The following NKAIN3 variants were observed in gnomAD, a reference collection of about 807,000 sequenced individuals.
NKAIN3 encodes sodium/potassium transporting ATPase interacting 3, also known as sodium/potassium-transporting ATPase subunit beta-1-interacting protein 3.
A neutral mutation model predicts 30.2 loss-of-function variants in NKAIN3; 25 were observed. The ratio of observed to expected loss-of-function variants is 0.83; its 90% CI spans 0.60 to 1.16. The LOEUF is 1.16. Ranked by LOEUF, NKAIN3 falls within the 50% of genes most tolerant of loss-of-function variation. The probability of loss-of-function intolerance (pLI) is 0.00; values close to 1 mark genes in which losing one functional copy is unlikely to be tolerated. For synonymous variants in NKAIN3, 91 were observed against 89.6 expected (o/e 1.02, Z -0.09); for missense variants, 225 against 254.1 (o/e 0.89, Z 0.78).
At chr8:62,573,533 C>A (rs1334376534) in intron 1 of NKAIN3, among the ~76,000 whole-genome samples, 1 of 151,932 alleles carries the variant, frequency 6.6e-6, no homozygotes, top group Non-Finnish European at 1.5e-5. Flanking sequence ...TTCTTTCCTG[C>A]CTTCTTTTCT....
chr8:62,643,840 T>A (rs1028545277), intron 3 of NKAIN3, among the ~76,000 whole-genome samples: 2 of 152,122 alleles, frequency 1.3e-5, no homozygotes, highest in African/African-American at 4.8e-5. Context: ...ATATAAGTTG[T>A]TGGATCTCTT....
Position 62,710,938 on chromosome 8 carries a change from G to A in NKAIN3, c.274-35994G>A, listed in dbSNP as rs533681616. ...TTCTTGTAGTGGTGGCTTGGTAATG[G>A]TAAATTCTTTCAGCATTTGTTTGTT... is the stretch of plus-strand genomic sequence containing the variant. On this transcript the variant is annotated intron_variant, in intron 3 of 6. Coordinates refer to ENST00000623646, the MANE Select transcript of NKAIN3 (RefSeq NM_001304533.3). Among the ~76,000 whole-genome samples, 6 of 152,208 alleles carry A rather than the reference G, an allele frequency of 3.9e-5. No homozygotes were observed. In the South Asian group the frequency reaches 1.2e-3, roughly 32 times the overall value.
chr8:62,693,224 T>C (rs1814039116), intron 3 of NKAIN3, among the ~76,000 whole-genome samples: 1 of 152,218 alleles, frequency 6.6e-6, no homozygotes, highest in African/African-American at 2.4e-5. Flanking sequence ...GAAGATGGTT[T>C]TACTGATGTC....
chr8:62,945,187 T>G (rs1207786285), intron 5 of NKAIN3, among the ~76,000 whole-genome samples: 1 of 152,084 alleles, frequency 6.6e-6, no homozygotes, highest in Non-Finnish European at 1.5e-5. Context: ...CAATATAGCA[T>G]AGTAAATAGT....
At chr8:62,394,735 C>T (rs949713151) in intron 1 of NKAIN3, among the ~76,000 whole-genome samples, 15 of 151,922 alleles carry the variant, frequency 9.9e-5, no homozygotes, top group African/African-American at 3.4e-4. Context: ...CATCACTTCC[C>T]AGACGGGGTG....
At chr8:62,569,263 T>C (rs972568664) in intron 1 of NKAIN3, among the ~76,000 whole-genome samples, 1 of 152,160 alleles carries the variant, frequency 6.6e-6, no homozygotes, top group African/African-American at 2.4e-5. Flanking sequence ...ATGATACAAA[T>C]GCTATTGAGC....
chr8:62,382,406 A>C (rs1407768229), intron 1 of NKAIN3, among the ~76,000 whole-genome samples: 1 of 152,130 alleles, frequency 6.6e-6, no homozygotes, highest in Non-Finnish European at 1.5e-5. Context: ...GCAGAGGTGG[A>C]AGAGGTAGAG....
intron 1 of NKAIN3, among the ~76,000 whole-genome samples, chr8:62,450,514 C>T (rs1204104944): frequency 6.6e-6 from 1 of 152,118 alleles, no homozygotes; most frequent in Non-Finnish European, 1.5e-5. Context: ...ATGTGCCAGG[C>T]ACTGCTTTAT....
intron 4 of NKAIN3, among the ~76,000 whole-genome samples, chr8:62,807,343 GCTTAT>G (rs1321727426): frequency 6.6e-6 from 1 of 151,842 alleles, no homozygotes; most frequent in Non-Finnish European, 1.5e-5. Context: ...CTCCTCATGT[GCTTAT>G]CTTATTAATG....
chr8:62,352,959 G>A (rs1816228595), intron 1 of NKAIN3, among the ~76,000 whole-genome samples: 1 of 152,180 alleles, frequency 6.6e-6, no homozygotes, highest in African/African-American at 2.4e-5. Context: ...TCAGGGGTCT[G>A]TACTAATAGG....
intron 4 of NKAIN3, chr8:62,854,956 T>C (rs1285983506): frequency 6.5e-6 from 1 of 153,060 alleles, no homozygotes; most frequent in African/African-American, 2.4e-5. Flanking sequence ...AGCATTTGCC[T>C]GTCTGAAAAG....
chr8:62,601,783 G>A (rs537119773), intron 3 of NKAIN3, among the ~76,000 whole-genome samples: 187 of 152,114 alleles, frequency 1.2e-3, no homozygotes, highest in Non-Finnish European at 1.9e-3. Context: ...CCAAAGAGAC[G>A]CAATTATATT....
intron 1 of NKAIN3, among the ~76,000 whole-genome samples, chr8:62,516,450 G>A (rs188953536): frequency 6.6e-6 from 1 of 151,976 alleles, no homozygotes; most frequent in Non-Finnish European, 1.5e-5. Context: ...TTCATATATG[G>A]TAAAGCAAAA....
At chr8:62,664,752 C>A (rs920197402) in intron 3 of NKAIN3, among the ~76,000 whole-genome samples, 7 of 152,134 alleles carry the variant, frequency 4.6e-5, no homozygotes, top group Admixed American at 6.6e-5. Flanking sequence ...CCCTATGCAT[C>A]TACAGTGTTT....
intron 1 of NKAIN3, among the ~76,000 whole-genome samples, chr8:62,361,229 G>T (rs1376471530): frequency 6.6e-6 from 1 of 152,214 alleles, no homozygotes; most frequent in Non-Finnish European, 1.5e-5. Flanking sequence ...AATTTTTAGT[G>T]TTGGATTTGA....
intron 1 of NKAIN3, among the ~76,000 whole-genome samples, chr8:62,536,874 G>C (rs548274377): frequency 6.6e-6 from 1 of 151,884 alleles, no homozygotes; most frequent in Non-Finnish European, 1.5e-5. Flanking sequence ...AGCAATCTAC[G>C]AGGCCCTCAT....
chr8:62,492,245 C>A (rs944341076), intron 1 of NKAIN3, among the ~76,000 whole-genome samples: 1 of 152,098 alleles, frequency 6.6e-6, no homozygotes, highest in Non-Finnish European at 1.5e-5. Context: ...GGCACAGTTT[C>A]TTTTCTCCAC....
intron 1 of NKAIN3, among the ~76,000 whole-genome samples, chr8:62,389,913 A>G (rs1008898831): frequency 2.0e-5 from 3 of 152,244 alleles, no homozygotes; most frequent in South Asian, 2.1e-4. Flanking sequence ...AGAATAATGG[A>G]CATTCAGTCC....
At chr8:62,457,367 G>A (rs1439275565) in intron 1 of NKAIN3, among the ~76,000 whole-genome samples, 1 of 152,208 alleles carries the variant, frequency 6.6e-6, no homozygotes, top group Non-Finnish European at 1.5e-5. Flanking sequence ...CATGAGCAAA[G>A]CCCTTGCAAA....
Sources: allele counts gnomAD v4.1 joint callset (sites outside exome capture counted in the v4.1 genomes callset), GRCh38; gene constraint gnomAD v4.1.1; transcripts MANE v1.5; gene names NCBI Gene and HGNC (gene_info 2026-07-23, HGNC 2026-07-21).